DPH5: variants seen among roughly 807,000 people sequenced by gnomAD.
The protein encoded by DPH5 is diphthamide biosynthesis 5.
In DPH5, 31 loss-of-function variants were observed where a neutral mutation model predicts 31.6. That is an observed-to-expected ratio of 0.98 (90% CI 0.74 to 1.32). The LOEUF (loss-of-function observed/expected upper bound fraction) is 1.32, where lower values mean the gene tolerates loss of function less well. Among genes scored for constraint, DPH5 ranks in the 40% most tolerant of loss-of-function variants. The pLI, the probability that DPH5 is intolerant of heterozygous loss-of-function variation, is 0.00. For missense variants in DPH5, 309 were observed against 335.7 expected (o/e 0.92, Z 0.62); for synonymous variants, 120 against 115.0 (o/e 1.04, Z -0.28).
At chr1:101,008,679 C>T (rs1039758128) in intron 4 of DPH5, among the ~76,000 whole-genome samples, 1 of 152,184 alleles carries the variant, frequency 6.6e-6, no homozygotes, top group African/African-American at 2.4e-5. Flanking sequence ...TACTGCAATA[C>T]CTTACAGATT....
intron 3 of DPH5, among the ~76,000 whole-genome samples, chr1:101,017,329 A>G (rs1271678689): frequency 6.6e-6 from 1 of 152,180 alleles, no homozygotes; most frequent in Non-Finnish European, 1.5e-5. Flanking sequence ...TGGATTTTAT[A>G]TCTGTCCAGC....
At position 101,009,735 on chromosome 1, in the gene DPH5, A is replaced by G. The variant is rs12067271; in HGVS notation, c.369+3975T>C. Among the ~76,000 whole-genome samples the G allele has an allele frequency of 4.6e-3, 696 of 152,308 alleles. 5 individuals are homozygous for G. Among genetic ancestry groups the G allele is most frequent in the African/African-American group, 0.016 (663 of 41,562 alleles). On this transcript the variant is annotated intron_variant, in intron 4 of 7. Transcript: ENST00000370109. ...TATTTATACTGCTTAAAACCCTTCA[A>G]TGTCAATTTATGTCACTTAGGATAA...
chr1:101,006,556 A>C (rs993486958), intron 4 of DPH5, among the ~76,000 whole-genome samples: 1 of 152,166 alleles, frequency 6.6e-6, no homozygotes, highest in African/African-American at 2.4e-5. Context: ...AGAACTCTAG[A>C]TGATAAAATC....
At chr1:101,016,439 C>G (rs1462729460) in intron 3 of DPH5, among the ~76,000 whole-genome samples, 1 of 149,870 alleles carries the variant, frequency 6.7e-6, no homozygotes, top group African/African-American at 2.5e-5. Flanking sequence ...CTTTCCTTTT[C>G]TTTCTTTCTT....
intron 4 of DPH5, among the ~76,000 whole-genome samples, chr1:101,002,535 T>C (rs764812767): frequency 3.9e-4 from 59 of 152,352 alleles, no homozygotes; most frequent in South Asian, 1.0e-3. Flanking sequence ...CAAAGGACAT[T>C]TATTTTCAAA....
chr1:100,991,085 T>C (rs1465994437), intron 7 of DPH5, among the ~76,000 whole-genome samples: 4 of 152,192 alleles, frequency 2.6e-5, no homozygotes, highest in African/African-American at 9.6e-5. Context: ...ATTAGCTGTG[T>C]GATAAACTTC....
chr1:100,991,788 C>CAAAAAAAA (rs71084857), intron 7 of DPH5, among the ~76,000 whole-genome samples: 2 of 101,066 alleles, frequency 2.0e-5, no homozygotes, highest in African/African-American at 8.0e-5. Flanking sequence ...GACCCCATCT[C>CAAAAAAAA]AAAAAAAAAA....
chr1:101,006,675 A>T (rs1325247155), intron 4 of DPH5, among the ~76,000 whole-genome samples: 3 of 152,322 alleles, frequency 2.0e-5, no homozygotes, highest in African/African-American at 7.2e-5. Context: ...TGCTTCTGAA[A>T]AGTAACGATA....
chr1:101,016,123 G>A (rs1660056817), intron 3 of DPH5, among the ~76,000 whole-genome samples: 3 of 152,150 alleles, frequency 2.0e-5, no homozygotes, highest in Admixed American at 6.5e-5. Context: ...GGGAGGCTGA[G>A]GCAGACAGAT....
chr1:101,015,582 T>C (rs1303124381), intron 3 of DPH5, among the ~76,000 whole-genome samples: 1 of 152,206 alleles, frequency 6.6e-6, no homozygotes, highest in African/African-American at 2.4e-5. Flanking sequence ...GGCTTCAATC[T>C]AGAGTCACCA....
intron 7 of DPH5, among the ~76,000 whole-genome samples, chr1:100,991,641 T>G (rs1262005186): frequency 2.0e-5 from 3 of 150,932 alleles, no homozygotes; most frequent in African/African-American, 7.3e-5. Context: ...ACAAAAAAAT[T>G]AGCTGGGTGT....
At chr1:101,025,225 T>C (rs1660737080) in intron 2 of DPH5, 84 bp downstream of exon 2, 2 of 1,536,540 alleles carry the variant, frequency 1.3e-6, no homozygotes, top group Non-Finnish European at 1.8e-6. Flanking sequence ...CAAGCAGACC[T>C]GAAAATTCTG....
intron 4 of DPH5, among the ~76,000 whole-genome samples, chr1:101,012,383 A>T (rs1055920752): frequency 4.6e-5 from 7 of 152,236 alleles, no homozygotes; most frequent in Admixed American, 3.9e-4. Context: ...TGGCCGAACC[A>T]GCAACAGAAA....
chr1:101,020,250 T>C (rs11582832), intron 3 of DPH5, among the ~76,000 whole-genome samples: 5,263 of 152,238 alleles, frequency 0.035, 124 homozygotes, highest in Middle Eastern at 0.068. Context: ...AAGTTCCAGC[T>C]CCTCCATAAA....
intron 5 of DPH5, among the ~76,000 whole-genome samples, chr1:100,999,392 GTA>G (rs1289859228): frequency 1.3e-5 from 2 of 152,352 alleles, no homozygotes. Flanking sequence ...TGAGACTGCA[GTA>G]TGCTGAGATT....
chr1:101,014,969 T>C (rs1659969335), intron 3 of DPH5, among the ~76,000 whole-genome samples: 2 of 152,212 alleles, frequency 1.3e-5, no homozygotes, highest in Admixed American at 1.3e-4. Flanking sequence ...CACTTCTAAT[T>C]CTAGTTCTCT....
chr1:101,016,308 T>G (rs1660072780), intron 3 of DPH5, among the ~76,000 whole-genome samples: 1 of 152,028 alleles, frequency 6.6e-6, no homozygotes, highest in Non-Finnish European at 1.5e-5. Flanking sequence ...GAGCTGAGAT[T>G]GTGCCACTGC....
At chr1:101,021,817 A>C (rs938416288) in intron 2 of DPH5, 52 bp from the exon 3 acceptor site, 59 of 737,868 alleles carry the variant, frequency 8.0e-5, no homozygotes, top group East Asian at 3.3e-4. Context: ...TGACCATTCT[A>C]ACACACACAC....
chr1:100,995,031 C>G, intron 6 of DPH5, 79 bp downstream of exon 6: 1 of 1,009,358 alleles, frequency 9.9e-7, no homozygotes. Flanking sequence ...ATCTTTAGAA[C>G]TCAGGTCATT....
Sources: gnomAD v4.1 joint callset for allele counts (sites outside exome capture counted in the v4.1 genomes callset) on GRCh38, gnomAD v4.1.1 for gene constraint, MANE v1.5 for transcripts, NCBI Gene and HGNC (gene_info 2026-07-23, HGNC 2026-07-21) for gene names.